Variants in CDH17 observed in about 807,000 individuals in gnomAD.
CDH17 encodes the protein cadherin 17.
Under a neutral mutation model 86.3 loss-of-function variants are expected in CDH17, and 67 were observed. The observed-to-expected ratio is 0.78, with a 90% CI of 0.64 to 0.95. The LOEUF is 0.95. Among genes scored for constraint, CDH17 ranks in the 40% least tolerant of loss-of-function variants. The probability of loss-of-function intolerance (pLI) is 0.00; values close to 1 mark genes in which losing one functional copy is unlikely to be tolerated. For missense variants in CDH17, 993 were observed against 1,017.6 expected, an observed-to-expected ratio of 0.98 and a Z score of 0.33; for synonymous variants, 367 against 366.4, an observed-to-expected ratio of 1.00 and a Z score of -0.02.
intron 15 of CDH17, among the ~76,000 whole-genome samples, chr8:94,133,496 C>T (rs188720413): frequency 2.0e-5 from 3 of 152,268 alleles, no homozygotes; most frequent in African/African-American, 7.2e-5. Flanking sequence ...GTAATTTTTG[C>T]ACATTGATTT....
chr8:94,174,186 T>C lies in CDH17; in HGVS notation c.499A>G (p.Ile167Val), dbSNP rs968192654. The stretch of plus-strand genomic sequence containing the variant: ...TTGATCATGGGAAGCTGGATGACAA[T>C]CTGGTAATAAAGCTGGCCATTGGGA... Reference protein sequence around the residue: ...ATPNGQLYYQIVIQLPMINNV... With the variant: ...ATPNGQLYYQVVIQLPMINNV... Residue 167 changes from isoleucine to valine, a missense_variant, in exon 6 of 18, where the codon ATT (isoleucine) becomes GTT (valine). Coordinates refer to ENST00000027335, the MANE Select transcript of CDH17 (RefSeq NM_004063.4). The C allele has an allele frequency of 1.9e-6, 3 of 1,613,474 alleles. No individual in the cohort carries two copies. Among genetic ancestry groups the C allele is most frequent in the Non-Finnish European group, 2.5e-6 (3 of 1,179,804 alleles).
intron 3 of CDH17, among the ~76,000 whole-genome samples, chr8:94,179,059 A>AAC (rs959714700): frequency 5.3e-5 from 8 of 151,742 alleles, no homozygotes; most frequent in South Asian, 2.1e-4. Context: ...AAAAAAAAAA[A>AAC]AAAACTAAGG....
At chr8:94,159,832 A>C (rs1813015823) in intron 12 of CDH17, 139 bp downstream of exon 12, 4 of 554,214 alleles carry the variant, frequency 7.2e-6, no homozygotes, top group Non-Finnish European at 1.2e-5. Flanking sequence ...ACTAAGAGGA[A>C]TCCAGGAATC....
At chr8:94,172,575 T>C (rs1226563280) in intron 7 of CDH17, among the ~76,000 whole-genome samples, 1 of 152,212 alleles carries the variant, frequency 6.6e-6, no homozygotes, top group Non-Finnish European at 1.5e-5. Flanking sequence ...CCCTATTTTA[T>C]TGATGAGACA....
At chr8:94,161,601 G>A (rs1291421258) in intron 11 of CDH17, among the ~76,000 whole-genome samples, 1 of 152,016 alleles carries the variant, frequency 6.6e-6, no homozygotes, top group African/African-American at 2.4e-5. Context: ...CAAATGTCTT[G>A]GGCACATTTT....
intron 9 of CDH17, among the ~76,000 whole-genome samples, chr8:94,170,180 G>A (rs991807627): frequency 3.9e-5 from 6 of 152,090 alleles, no homozygotes; most frequent in South Asian, 2.1e-4. Flanking sequence ...TGGTAGTAGC[G>A]GTAATGGTAG....
At chr8:94,184,257 T>C (rs571226731) in intron 3 of CDH17, among the ~76,000 whole-genome samples, 1 of 152,042 alleles carries the variant, frequency 6.6e-6, no homozygotes, top group East Asian at 1.9e-4. Context: ...CAAAAACATG[T>C]CCTCATAAAA....
intron 3 of CDH17, among the ~76,000 whole-genome samples, chr8:94,187,421 T>G (rs1448880708): frequency 6.6e-6 from 1 of 152,192 alleles, no homozygotes; most frequent in Non-Finnish European, 1.5e-5. Flanking sequence ...ATATCCCCAG[T>G]ACCCAGCAGA....
In CDH17 at chr8:94,160,175, T is replaced by C. The variant is rs11786634; in HGVS notation, c.1360-13A>G. On this transcript the variant is annotated splice_polypyrimidine_tract_variant and intron_variant, in intron 11 of 17. Transcript: ENST00000027335. Reference sequence around the variant, plus strand: ...TCAGGTTTCCATACTAAGGAGAAAATGGAGAAGGAAACAATGAGAAGGTCT... The same window carrying C: ...TCAGGTTTCCATACTAAGGAGAAAACGGAGAAGGAAACAATGAGAAGGTCT... 383,837 of 1,595,264 alleles carry C rather than the reference T, an allele frequency of 0.24. 49,674 individuals carry two copies. The highest frequency in any genetic ancestry group is 0.27 in the Non-Finnish European group (313,289 of 1,168,994).
intron 15 of CDH17, among the ~76,000 whole-genome samples, chr8:94,134,332 G>T (rs537484380): frequency 1.4e-4 from 21 of 152,070 alleles, no homozygotes; most frequent in Non-Finnish European, 2.8e-4. Context: ...CAATTTCAGA[G>T]CCTGTTATTG....
Position 94,165,820 on chromosome 8 carries a change from T to C in CDH17, c.1223A>G (p.Gln408Arg), listed in dbSNP as rs769782001. 9.3e-6 allele frequency: 15 copies of C among 1,613,892 alleles called. No homozygotes were observed. Among genetic ancestry groups the C allele is most frequent in the Admixed American group, 6.7e-5 (4 of 59,994 alleles). The change falls in exon 10 of 18, where the codon CAG becomes CGG. Residue 408 changes from glutamine (Q) to arginine (R), a missense_variant. Gln to Arg is a conservative substitution (Grantham distance 43). Transcript: ENST00000027335. Reference protein sequence around the residue: ...TYAGMLQLAKQSLKKQDTPQY... With the variant: ...TYAGMLQLAKRSLKKQDTPQY... Reference sequence around the variant, plus strand: ...AGGAGTATCTTGCTTCTTCAAGGACTGTTTAGCTAACTGTAACATTCCAGC... The same window carrying C: ...AGGAGTATCTTGCTTCTTCAAGGACCGTTTAGCTAACTGTAACATTCCAGC...
intron 1 of CDH17, among the ~76,000 whole-genome samples, chr8:94,201,108 C>T (rs1813903902): frequency 6.6e-6 from 1 of 152,100 alleles, no homozygotes; most frequent in Non-Finnish European, 1.5e-5. Flanking sequence ...TTTTTTCCCC[C>T]TACTTTGCAG....
intron 15 of CDH17, among the ~76,000 whole-genome samples, chr8:94,138,666 A>G (rs1812579320): frequency 1.3e-5 from 2 of 152,206 alleles, no homozygotes; most frequent in African/African-American, 4.8e-5. Flanking sequence ...CTGGGGAAAG[A>G]ACCACCTAAA....
chr8:94,137,922 G>A (rs1168782923), intron 15 of CDH17, among the ~76,000 whole-genome samples: 1 of 152,146 alleles, frequency 6.6e-6, no homozygotes, highest in Non-Finnish European at 1.5e-5. Context: ...CTGGGACTGA[G>A]CTTCTGTAGA....
At chr8:94,201,943 A>G in intron 1 of CDH17, 1 of 192,576 alleles carries the variant, frequency 5.2e-6, no homozygotes, top group South Asian at 1.2e-4. Flanking sequence ...GATAAATTCC[A>G]TTCACCAGGG....
Position 94,170,948 on chromosome 8 carries a change from A to G in CDH17, c.821T>C (p.Val274Ala), listed in dbSNP as rs143655105. The G allele has an allele frequency of 2.5e-4, 405 of 1,613,790 alleles. No homozygotes were observed. The African/African-American group carries it at 4.4e-3, about 17-fold the overall frequency. ...WNDPGAQYSL[V>A]DKEKLPRFPF... ...GAATCTTGGCAGCTTCTCTTTGTCA[A>G]CTAAGGAATATTGTGCACCGGGATC... Residue 274 changes from valine (V) to alanine (A), a missense_variant, in exon 8 of 18, where the codon GTT becomes GCT. Physicochemically the swap from Val to Ala is moderately conservative, Grantham distance 64. Coordinates refer to ENST00000027335, the MANE Select transcript of CDH17 (RefSeq NM_004063.4).
intron 3 of CDH17, among the ~76,000 whole-genome samples, chr8:94,182,836 A>T (rs930067452): frequency 3.9e-5 from 6 of 152,136 alleles, no homozygotes; most frequent in Non-Finnish European, 7.4e-5. Context: ...CACTATTCAC[A>T]GTTGCCATGA....
At position 94,205,695 on chromosome 8, in the gene CDH17, G is replaced by GT. The variant is rs78457547; in HGVS notation, c.-21+2787dup. Among the ~76,000 whole-genome samples the GT allele has an allele frequency of 9.3e-3, 1,364 of 146,690 alleles. 11 individuals carry two copies. The highest frequency in any genetic ancestry group is 0.02 in the African/African-American group (822 of 40,184). On this transcript the variant is annotated intron_variant, in intron 1 of 17. Transcript: ENST00000027335. ...CACGATGAAATCTCATTCATGAATTGTTTTTTTTTTTAATCATTGGAATTG... is the reference window on the plus strand; with the variant it reads ...CACGATGAAATCTCATTCATGAATTGTTTTTTTTTTTTAATCATTGGAATTG...
chr8:94,151,531 A>G (rs1812856284), intron 13 of CDH17, among the ~76,000 whole-genome samples: 1 of 152,314 alleles, frequency 6.6e-6, no homozygotes, highest in Middle Eastern at 3.4e-3. Context: ...ACCCTAGCCT[A>G]GATAACAGGC....
Sources: gnomAD v4.1 joint callset for allele counts (sites outside exome capture counted in the v4.1 genomes callset) on GRCh38, gnomAD v4.1.1 for gene constraint, MANE v1.5 for transcripts, NCBI Gene and HGNC (gene_info 2026-07-23, HGNC 2026-07-21) for gene names.